The following MCTP1 variants were observed in gnomAD, a reference collection of about 807,000 sequenced individuals.
The protein encoded by MCTP1 is multiple C2 and transmembrane domain-containing protein 1.
MCTP1 carries 69 observed loss-of-function variants against 120.6 expected under a neutral mutation model. That is an observed-to-expected ratio of 0.57 (90% confidence interval 0.47 to 0.70). The LOEUF is 0.70. Ranked by LOEUF, MCTP1 falls within the 30% of genes least tolerant of loss-of-function variation. The probability of loss-of-function intolerance (pLI) is 0.00; values close to 1 mark genes in which losing one functional copy is unlikely to be tolerated. For synonymous variants in MCTP1, 529 were observed against 493.1 expected (o/e 1.07, Z -0.96); for missense variants, 1,203 against 1,248.8 (o/e 0.96, Z 0.55).
intron 10 of MCTP1, among the ~76,000 whole-genome samples, chr5:94,906,464 C>T (rs752499894): frequency 1.1e-4 from 16 of 151,982 alleles, no homozygotes; most frequent in Non-Finnish European, 1.8e-4. Flanking sequence ...CCAGCCTGGG[C>T]GACAGATCGA....
intron 22 of MCTP1, 49 bp from the exon 23 acceptor site, chr5:94,707,616 G>T: frequency 1.5e-6 from 2 of 1,373,194 alleles, no homozygotes; most frequent in East Asian, 2.3e-5. Context: ...CCACTTTCTG[G>T]CAAAGAAAGG....
chr5:95,059,866 AAAGG>A (rs1360287461), intron 1 of MCTP1, among the ~76,000 whole-genome samples: 1 of 152,160 alleles, frequency 6.6e-6, no homozygotes, highest in Non-Finnish European at 1.5e-5. Context: ...CACTTTCTCA[AAAGG>A]AACTATGTTT....
At chr5:95,252,635 A>T (rs1757486523) in intron 1 of MCTP1, among the ~76,000 whole-genome samples, 1 of 152,128 alleles carries the variant, frequency 6.6e-6, no homozygotes, top group Non-Finnish European at 1.5e-5. Flanking sequence ...ATCTGAACCT[A>T]CACAGTCTGG....
At chr5:95,160,212 G>A (rs926709190) in intron 1 of MCTP1, among the ~76,000 whole-genome samples, 3 of 152,132 alleles carry the variant, frequency 2.0e-5, no homozygotes, top group Admixed American at 6.5e-5. Context: ...ATGGCAGCAG[G>A]GAGATATGTT....
chr5:94,799,211 CA>C, intron 17 of MCTP1, 79 bp from the exon 18 acceptor site: 1 of 1,300,430 alleles, frequency 7.7e-7, no homozygotes, highest in Non-Finnish European at 1.1e-6. Flanking sequence ...TACTCTACTT[CA>C]AAAACACAAA....
chr5:94,983,193 C>T (rs1328963025), intron 2 of MCTP1, among the ~76,000 whole-genome samples: 1 of 152,074 alleles, frequency 6.6e-6, no homozygotes, highest in Non-Finnish European at 1.5e-5. Context: ...CTCTGAGCTC[C>T]AGGTGAGAGC....
intron 2 of MCTP1, among the ~76,000 whole-genome samples, chr5:94,991,860 A>T (rs766794589): frequency 2.7e-5 from 4 of 146,166 alleles, no homozygotes; most frequent in African/African-American, 1.0e-4. Flanking sequence ...CTGGGAAACA[A>T]GAGTGAAACT....
At chr5:94,836,112 G>A (rs543578504) in intron 17 of MCTP1, among the ~76,000 whole-genome samples, 8 of 149,068 alleles carry the variant, frequency 5.4e-5, no homozygotes, top group East Asian at 2.0e-4. Context: ...CCCAGGAGGC[G>A]GAGGTTGCAG....
At chr5:94,845,777 C>G (rs949600680) in intron 17 of MCTP1, among the ~76,000 whole-genome samples, 2 of 152,146 alleles carry the variant, frequency 1.3e-5, no homozygotes, top group East Asian at 3.9e-4. Context: ...ATCTCAAACT[C>G]CTGGGGCCAG....
At chr5:95,117,079 G>A (rs192383261) in intron 1 of MCTP1, among the ~76,000 whole-genome samples, 21 of 152,130 alleles carry the variant, frequency 1.4e-4, no homozygotes, top group East Asian at 1.4e-3. Context: ...GGTGGGCAAC[G>A]GACATGAACA....
chr5:94,796,980 G>A (rs1300078654), intron 18 of MCTP1, among the ~76,000 whole-genome samples: 1 of 151,900 alleles, frequency 6.6e-6, no homozygotes, highest in African/African-American at 2.4e-5. Flanking sequence ...GGTTGTGCTG[G>A]GGAAGAAAAA....
At chr5:95,218,722 A>T (rs916658829) in intron 1 of MCTP1, among the ~76,000 whole-genome samples, 2 of 152,232 alleles carry the variant, frequency 1.3e-5, no homozygotes, top group African/African-American at 4.8e-5. Flanking sequence ...TTTTATGAAC[A>T]TCATGGAATG....
chr5:94,998,911 A>T (rs556776648), intron 2 of MCTP1, among the ~76,000 whole-genome samples: 2 of 152,280 alleles, frequency 1.3e-5, no homozygotes, highest in Admixed American at 1.3e-4. Flanking sequence ...CTTAAATGCC[A>T]CTGTTTCCTT....
Position 95,284,047 on chromosome 5 carries a change from C to A in MCTP1, c.529G>T (p.Asp177Tyr). The change falls in exon 1 of 23, where the codon GAC (aspartate) becomes TAC (tyrosine). Residue 177 changes from aspartate to tyrosine, a missense_variant. This residue lies in a region of MCTP1 where 463 missense variants were observed against 377.8 expected (regional missense o/e 1.23). Coordinates refer to ENST00000515393, the MANE Select transcript of MCTP1 (RefSeq NM_024717.7). This position sits in a 1 kb window ranked among gnomAD's most constrained non-coding sequence, Gnocchi z 5.2. ...SSSPQPPPRG[D>Y]RARDEGARRQ... ...CGTGCACCCTCATCTCGGGCGCGGT[C>A]CCCCCTCGGGGGAGGCTGGGGCGAG... 1.3e-6 allele frequency: 2 copies of A among 1,522,828 alleles called. No individual in the cohort carries two copies. The highest frequency in any genetic ancestry group is 1.3e-5 in the South Asian group (1 of 79,686). 94.3% of individuals were successfully genotyped at this position (1,522,828 alleles called of 1,614,324 possible).
intron 1 of MCTP1, among the ~76,000 whole-genome samples, chr5:95,160,489 T>C (rs1436549250): frequency 6.6e-6 from 1 of 151,664 alleles, no homozygotes; most frequent in Non-Finnish European, 1.5e-5. Context: ...ATCCTCATTA[T>C]ATAACAAGAG....
intron 1 of MCTP1, among the ~76,000 whole-genome samples, chr5:95,244,199 T>G (rs542533211): frequency 4.6e-5 from 7 of 152,362 alleles, no homozygotes; most frequent in African/African-American, 1.7e-4. Context: ...AACAGGTGAA[T>G]GCATGAACAA....
chr5:94,758,524 C>CA lies in MCTP1; in HGVS notation c.2610+20585dup, dbSNP rs1397544338. ...TGTGCTGTGGGTATGTAAATAGATG[C>CA]AAAAGCACCTGTAGGTAACGAAGTC... On this transcript the variant is annotated intron_variant, in intron 19 of 22. Coordinates refer to ENST00000515393, the MANE Select transcript of MCTP1 (RefSeq NM_024717.7). Among the ~76,000 whole-genome samples, 3 of 152,178 alleles carry CA rather than the reference C, an allele frequency of 2.0e-5. No homozygotes were observed. In the East Asian group the frequency reaches 5.8e-4, roughly 29 times the overall value.
intron 10 of MCTP1, among the ~76,000 whole-genome samples, chr5:94,903,978 C>T (rs1395808410): frequency 2.0e-5 from 3 of 152,206 alleles, no homozygotes; most frequent in Non-Finnish European, 4.4e-5. Flanking sequence ...AAAAGTGTAA[C>T]AATCATGGGG....
chr5:95,232,716 C>T (rs1017719227), intron 1 of MCTP1, among the ~76,000 whole-genome samples: 1 of 151,374 alleles, frequency 6.6e-6, no homozygotes, highest in Non-Finnish European at 1.5e-5. Context: ...CCTCAGCCTC[C>T]CAAGAAATTT....
Sources: allele counts gnomAD v4.1 joint callset (sites outside exome capture counted in the v4.1 genomes callset), GRCh38; gene constraint gnomAD v4.1.1; regional missense constraint gnomAD v4.1.1; non-coding constraint Gnocchi (gnomAD v3.1); transcripts MANE v1.5; gene names NCBI Gene and HGNC (gene_info 2026-07-23, HGNC 2026-07-21).